Variants in CCNB3 observed in about 807,000 individuals in gnomAD.
CCNB3 encodes G2/mitotic-specific cyclin-B3.
A neutral mutation model predicts 68.0 loss-of-function variants in CCNB3; 12 were observed. The ratio of observed to expected loss-of-function variants is 0.18; its 90% CI spans 0.11 to 0.29. The LOEUF (loss-of-function observed/expected upper bound fraction) is 0.29. CCNB3 is among the 10% of genes least tolerant of loss of function. The pLI, the probability that CCNB3 is intolerant of heterozygous loss-of-function variation, is 1.00. For synonymous variants in CCNB3, 354 were observed against 388.9 expected (o/e 0.91, Z 1.06); for missense variants, 904 against 993.1 (o/e 0.91, Z 1.21).
chrX:50,279,487 A>T (rs1936046207), intron 1 of CCNB3, among the ~76,000 whole-genome samples: 1 of 83,064 alleles, frequency 1.2e-5, no homozygotes, highest in African/African-American at 4.5e-5. Flanking sequence ...TGAAATATTC[A>T]TATATAAATA....
rs146255646 is a variant in CCNB3 at position 50,340,050 on chromosome X, G to A, written c.3517-2152G>A. On this transcript the variant is annotated intron_variant, in intron 8 of 12. Transcript: ENST00000376042. ...CAAGGCCATATTCCAGAAACAGTAA[G>A]AACTGTTTCTTGGTATTTCTGTTAT... Among the ~76,000 whole-genome samples, 183 of 112,107 alleles carry A rather than the reference G, an allele frequency of 1.6e-3. 3 individuals are homozygous for A. In the East Asian group the frequency reaches 0.045, roughly 27 times the overall value.
rs369745943 is a variant in CCNB3 at position 50,312,560 on chromosome X, T to A, written c.3351T>A (p.Asp1117Glu). The change falls in exon 7 of 13, where the codon GAT becomes GAA. Residue 1117 changes from aspartate (D) to glutamate (E), a missense_variant. Coordinates refer to ENST00000376042, the MANE Select transcript of CCNB3 (RefSeq NM_033031.3). ...PKEITPREDI[D>E]EDSSDPSFNP... Reference sequence around the variant, plus strand: ...AGATAACCCCACGGGAAGATATTGATGAGGACAGCAGTGATCCAAGTTTCA... The same window carrying A: ...AGATAACCCCACGGGAAGATATTGAAGAGGACAGCAGTGATCCAAGTTTCA... 1.5e-5 allele frequency: 18 copies of A among 1,204,118 alleles called. No individual in the cohort carries two copies. The highest frequency in any genetic ancestry group is 1.9e-5 in the Non-Finnish European group (17 of 891,193).
intron 1 of CCNB3, among the ~76,000 whole-genome samples, chrX:50,279,550 T>A (rs1209144059): frequency 3.5e-5 from 3 of 85,241 alleles, no homozygotes; most frequent in Non-Finnish European, 6.5e-5. Context: ...TTCATATATA[T>A]AAATATATGA....
At chrX:50,299,509 A>G (rs182407189) in intron 5 of CCNB3, among the ~76,000 whole-genome samples, 16 of 111,290 alleles carry the variant, frequency 1.4e-4, no homozygotes, top group Admixed American at 3.8e-4. Flanking sequence ...AGTTTGTTAT[A>G]GTTTCTGTTC....
intron 8 of CCNB3, among the ~76,000 whole-genome samples, chrX:50,324,555 T>C (rs1482477536): frequency 1.8e-5 from 2 of 112,421 alleles, no homozygotes; most frequent in Non-Finnish European, 3.8e-5. Flanking sequence ...AAAAATCCTC[T>C]TTGTCTTTTC....
intron 1 of CCNB3, among the ~76,000 whole-genome samples, chrX:50,227,686 TA>T (rs1403386385): frequency 2.1e-5 from 2 of 95,931 alleles, no homozygotes; most frequent in African/African-American, 7.4e-5. Context: ...AATATATATA[TA>T]AATATATATA....
At chrX:50,214,679 T>G (rs2146979580) in intron 1 of CCNB3, among the ~76,000 whole-genome samples, 1 of 100,763 alleles carries the variant, frequency 9.9e-6, no homozygotes, top group African/African-American at 3.5e-5. Context: ...ACAATATATT[T>G]ATGTATATAA....
chrX:50,309,260 A>G lies in CCNB3; in HGVS notation c.1091A>G (p.Lys364Arg). 1 of 1,211,330 alleles carries G rather than the reference A, an allele frequency of 8.3e-7. No homozygotes were observed. Among genetic ancestry groups the G allele is most frequent in the Non-Finnish European group, 1.1e-6 (1 of 895,351 alleles). Residue 364 changes from lysine to arginine, a missense_variant, in exon 6 of 13, where the codon AAG (lysine) becomes AGG (arginine). By Grantham distance (26) the Lys-to-Arg change is conservative (BLOSUM62 2). Coordinates refer to ENST00000376042, the MANE Select transcript of CCNB3 (RefSeq NM_033031.3). The stretch of plus-strand genomic sequence containing the variant: ...AACTTTAAAGAGGATTCCCTTGTTA[A>G]GGAGTCGTTAGCCTTTAAGAAGAAG... Reference protein sequence around the residue: ...KTNFKEDSLVKESLAFKKKPS... With the variant: ...KTNFKEDSLVRESLAFKKKPS...
chrX:50,315,884 G>A (rs782763754), intron 8 of CCNB3, among the ~76,000 whole-genome samples: 1 of 111,612 alleles, frequency 9.0e-6, no homozygotes, highest in Non-Finnish European at 1.9e-5. Flanking sequence ...TGAGCTTGAT[G>A]TTTACTACTC....
intron 3 of CCNB3, 62 bp from the exon 4 acceptor site, chrX:50,288,718 C>G (rs1936288920): frequency 2.3e-6 from 2 of 867,978 alleles, no homozygotes; most frequent in East Asian, 6.6e-5. Flanking sequence ...AAAGAGGACC[C>G]AAAGTCCCTG....
In CCNB3 at chrX:50,303,817, A is replaced by C. The variant is rs1405223221; in HGVS notation, c.336-4688A>C. Among the ~76,000 whole-genome samples, 3 of 111,083 alleles carry C rather than the reference A, an allele frequency of 2.7e-5. No homozygotes were observed. The Admixed American group carries it at 2.9e-4, about 11-fold the overall frequency. ...TCACTTTGTTGATGATGTCCTTTGAAGTACAGAAATTTTTAATTCTGAAGA... is the reference window on the plus strand; with the variant it reads ...TCACTTTGTTGATGATGTCCTTTGACGTACAGAAATTTTTAATTCTGAAGA... On this transcript the variant is annotated intron_variant, in intron 5 of 12. Coordinates refer to ENST00000376042, the MANE Select transcript of CCNB3 (RefSeq NM_033031.3).
chrX:50,328,031 A>G (rs1325835888), intron 8 of CCNB3, among the ~76,000 whole-genome samples: 1 of 111,889 alleles, frequency 8.9e-6, no homozygotes, highest in African/African-American at 3.2e-5. Flanking sequence ...AAAACAAGGA[A>G]TGCAGGCTGC....
chrX:50,227,997 T>C (rs1276734733), intron 1 of CCNB3, among the ~76,000 whole-genome samples: 2 of 80,485 alleles, frequency 2.5e-5, no homozygotes, highest in African/African-American at 9.7e-5. Context: ...TAAATATATA[T>C]AGAGAATATA....
At chrX:50,303,730 G>C (rs1557213086) in intron 5 of CCNB3, among the ~76,000 whole-genome samples, 1 of 110,785 alleles carries the variant, frequency 9.0e-6, no homozygotes, top group Non-Finnish European at 1.9e-5. Flanking sequence ...ATATATTTTA[G>C]ATACAAGTCC....
chrX:50,279,196 TATAA>T (rs1936020762), intron 1 of CCNB3, among the ~76,000 whole-genome samples: 7 of 3,914 alleles, frequency 1.8e-3, no homozygotes, highest in African/African-American at 1.7e-3. Context: ...ATTCTCTATA[TATAA>T]ATATATAGAG....
chrX:50,209,308 G>A (rs201271740), intron 1 of CCNB3, among the ~76,000 whole-genome samples: 1 of 110,884 alleles, frequency 9.0e-6, no homozygotes, highest in African/African-American at 3.3e-5. Flanking sequence ...ACATGATATC[G>A]ACCCTCTTAA....
chrX:50,281,488 T>C (rs1936135613), intron 1 of CCNB3, among the ~76,000 whole-genome samples: 2 of 111,373 alleles, frequency 1.8e-5, no homozygotes, highest in South Asian at 7.7e-4. Flanking sequence ...TCCGGCTCTG[T>C]CGCCTGCCAG....
chrX:50,305,587 A>T (rs192700191), intron 5 of CCNB3, among the ~76,000 whole-genome samples: 21 of 109,626 alleles, frequency 1.9e-4, no homozygotes, highest in Admixed American at 8.8e-4. Context: ...GCACACCAAC[A>T]TGGCACATGT....
chrX:50,307,574 C>T (rs1189906641), intron 5 of CCNB3, among the ~76,000 whole-genome samples: 2 of 110,312 alleles, frequency 1.8e-5, no homozygotes, highest in Non-Finnish European at 3.8e-5. Flanking sequence ...TCATTCTATT[C>T]CTGGATTTGT....
Sources: allele counts gnomAD v4.1 joint callset (sites outside exome capture counted in the v4.1 genomes callset), GRCh38; gene constraint gnomAD v4.1.1; transcripts MANE v1.5; gene names NCBI Gene and HGNC (gene_info 2026-07-23, HGNC 2026-07-21).